Variants in CPEB1 observed in about 807,000 individuals in gnomAD.
CPEB1 encodes cytoplasmic polyadenylation element-binding protein 1.
In CPEB1, 7 loss-of-function variants were observed where a neutral mutation model predicts 65.8. The observed-to-expected ratio is 0.11, with a 90% CI of 0.06 to 0.20. The LOEUF (loss-of-function observed/expected upper bound fraction) is 0.20. Ranked by LOEUF, CPEB1 falls within the 10% of genes least tolerant of loss-of-function variation. CPEB1 has a pLI of 1.00. For missense variants in CPEB1, 551 were observed against 712.2 expected (o/e 0.77, Z 2.58); for synonymous variants, 262 against 260.0 (o/e 1.01, Z -0.08).
chr15:82,613,578 C>T (rs2044388434), intron 3 of CPEB1, among the ~76,000 whole-genome samples: 1 of 152,016 alleles, frequency 6.6e-6, no homozygotes, highest in Non-Finnish European at 1.5e-5. Flanking sequence ...GATGGGGTTT[C>T]ACTACATTGC....
Position 82,621,422 on chromosome 15 carries a change from G to A in CPEB1, c.271+5771C>T, listed in dbSNP as rs1253848694. 2.6e-5 allele frequency among the ~76,000 whole-genome samples: 4 copies of A among 151,954 alleles called. No homozygotes were observed. The East Asian group carries it at 5.8e-4, about 22-fold the overall frequency. ...GGATCACCTGAGGCCAGGAGTTCAA[G>A]ACCAGCCTGACCAATATGGAGAAAC... On this transcript the variant is annotated intron_variant, in intron 3 of 12. Coordinates refer to ENST00000684509, the MANE Select transcript of CPEB1 (RefSeq NM_001365242.1).
chr15:82,573,785 T>C (rs959660821), intron 3 of CPEB1, among the ~76,000 whole-genome samples: 2 of 152,144 alleles, frequency 1.3e-5, no homozygotes, highest in African/African-American at 4.8e-5. Flanking sequence ...GATCTGCATT[T>C]TAACAAGATC....
intron 3 of CPEB1, among the ~76,000 whole-genome samples, chr15:82,573,865 A>G (rs1230053572): frequency 6.6e-6 from 1 of 152,226 alleles, no homozygotes; most frequent in African/African-American, 2.4e-5. Context: ...CTATAATCCC[A>G]GAACTTTGGG....
chr15:82,594,070 A>C (rs1234995469), intron 3 of CPEB1, among the ~76,000 whole-genome samples: 1 of 152,208 alleles, frequency 6.6e-6, no homozygotes, highest in African/African-American at 2.4e-5. Flanking sequence ...CCTCAACTTT[A>C]AAGTTACCAG....
At chr15:82,615,925 T>C (rs1469076597) in intron 3 of CPEB1, among the ~76,000 whole-genome samples, 1 of 152,064 alleles carries the variant, frequency 6.6e-6, no homozygotes. Flanking sequence ...GCAAAAAATA[T>C]ATATTTACCT....
At chr15:82,616,788 A>G (rs1404173447) in intron 3 of CPEB1, among the ~76,000 whole-genome samples, 1 of 152,174 alleles carries the variant, frequency 6.6e-6, no homozygotes, top group Non-Finnish European at 1.5e-5. Flanking sequence ...AAAACCCTAT[A>G]AAAGCAAATA....
chr15:82,587,994 TCACTG>T (rs1297138028), intron 3 of CPEB1, among the ~76,000 whole-genome samples: 5 of 152,180 alleles, frequency 3.3e-5, no homozygotes. Context: ...TGATCTCATC[TCACTG>T]CACCCTCTGC....
chr15:82,632,093 C>G (rs1390427231), intron 1 of CPEB1, among the ~76,000 whole-genome samples: 2 of 149,446 alleles, frequency 1.3e-5, no homozygotes, highest in African/African-American at 4.9e-5. Flanking sequence ...AGGATTCTCT[C>G]GCCTCAGCCT....
chr15:82,601,474 G>C (rs1345978404), intron 3 of CPEB1, among the ~76,000 whole-genome samples: 1 of 152,032 alleles, frequency 6.6e-6, no homozygotes, highest in Admixed American at 6.6e-5. Flanking sequence ...CCAGGAGGCG[G>C]AGGTTGCAGT....
chr15:82,571,798 C>A, intron 3 of CPEB1: 1 of 1,252,392 alleles, frequency 8.0e-7, no homozygotes, highest in Non-Finnish European at 1.0e-6. Flanking sequence ...GCTGATGCTT[C>A]CCGCTGCCAG....
chr15:82,601,551 C>A (rs1255748517), intron 3 of CPEB1, among the ~76,000 whole-genome samples: 1 of 151,924 alleles, frequency 6.6e-6, no homozygotes, highest in Non-Finnish European at 1.5e-5. Flanking sequence ...CTCCACCCAA[C>A]AAAAAAATTT....
chr15:82,606,612 A>C (rs1166887733), intron 3 of CPEB1, among the ~76,000 whole-genome samples: 1 of 48,690 alleles, frequency 2.1e-5, no homozygotes, highest in African/African-American at 9.2e-5. Context: ...AGGTCAGGAG[A>C]TCGAGACCAT....
chr15:82,548,482 A>G (rs964398068), intron 10 of CPEB1, among the ~76,000 whole-genome samples: 1 of 152,184 alleles, frequency 6.6e-6, no homozygotes, highest in Non-Finnish European at 1.5e-5. Flanking sequence ...GTTAGCGTGA[A>G]CCATTCAGGA....
intron 1 of CPEB1, among the ~76,000 whole-genome samples, chr15:82,631,416 G>A (rs543408166): frequency 2.0e-5 from 3 of 151,234 alleles, no homozygotes; most frequent in South Asian, 2.1e-4. Context: ...TAACCAATTT[G>A]GAAGGAAAAA....
chr15:82,553,792 G>A, intron 7 of CPEB1, 86 bp downstream of exon 7: 2 of 981,936 alleles, frequency 2.0e-6, no homozygotes, highest in Non-Finnish European at 3.2e-6. Flanking sequence ...AGGGCATTCA[G>A]CCCCTGGCCT....
chr15:82,629,280 G>A, intron 1 of CPEB1: 1 of 985,218 alleles, frequency 1.0e-6, no homozygotes. Flanking sequence ...CTGCTAATTT[G>A]TATCTGCAAA....
intron 4 of CPEB1, among the ~76,000 whole-genome samples, chr15:82,570,588 T>C: frequency 6.6e-6 from 1 of 152,046 alleles, no homozygotes; most frequent in Non-Finnish European, 1.5e-5. Context: ...TAACAGAAGG[T>C]ATAAGCAGAA....
rs1303579681 is a variant in CPEB1 at position 82,571,378 on chromosome 15, G to C, written c.426C>G (p.Asp142Glu). The C allele has an allele frequency of 3.7e-6, 6 of 1,614,054 alleles. No homozygotes were observed. The highest frequency in any genetic ancestry group is 5.1e-6 in the Non-Finnish European group (6 of 1,180,020). The change falls in exon 4 of 13, where the codon GAC becomes GAG. Residue 142 changes from aspartate to glutamate, a missense_variant. By Grantham distance (45) the Asp-to-Glu change is conservative (BLOSUM62 2). Coordinates refer to ENST00000684509, the MANE Select transcript of CPEB1 (RefSeq NM_001365242.1). Reference protein sequence around the residue: ...TGWDRPWSTQDSDSSAQSSTH... With the variant: ...TGWDRPWSTQESDSSAQSSTH... ...TGCTGCTCTGGGCTGAGGAATCTGA[G>C]TCCTGGGTGCTCCAGGGTCGGTCCC... is the stretch of plus-strand genomic sequence containing the variant.
chr15:82,634,979 G>T (rs2046542991), intron 1 of CPEB1, among the ~76,000 whole-genome samples: 1 of 152,274 alleles, frequency 6.6e-6, no homozygotes, highest in African/African-American at 2.4e-5. Flanking sequence ...TATGCCTCCT[G>T]AGTAGCTGGG....
Sources: allele counts gnomAD v4.1 joint callset (sites outside exome capture counted in the v4.1 genomes callset), GRCh38; gene constraint gnomAD v4.1.1; transcripts MANE v1.5; gene names NCBI Gene and HGNC (gene_info 2026-07-23, HGNC 2026-07-21).